Variants in ZC3H3 observed in about 807,000 individuals in gnomAD.
ZC3H3 encodes zinc finger CCCH-type containing 3.
Under a neutral mutation model 77.3 loss-of-function variants are expected in ZC3H3, and 36 were observed. The ratio of observed to expected loss-of-function variants is 0.47; its 90% CI spans 0.36 to 0.61. The LOEUF (loss-of-function observed/expected upper bound fraction) is 0.61. ZC3H3 is among the 20% of genes least tolerant of loss of function. The probability of loss-of-function intolerance (pLI) is 0.00; values close to 1 mark genes in which losing one functional copy is unlikely to be tolerated. For missense variants in ZC3H3, 1,331 were observed against 1,312.2 expected, an observed-to-expected ratio of 1.01 and a Z score of -0.22; for synonymous variants, 626 against 555.2, an observed-to-expected ratio of 1.13 and a Z score of -1.79.
intron 9 of ZC3H3, among the ~76,000 whole-genome samples, chr8:143,453,746 T>C (rs1820045298): frequency 2.0e-5 from 3 of 152,246 alleles, no homozygotes; most frequent in Admixed American, 1.3e-4. Flanking sequence ...TTTAAAATTA[T>C]GTTTGATGAC....
chr8:143,465,443 G>A (rs1820382394), intron 9 of ZC3H3, among the ~76,000 whole-genome samples: 1 of 152,186 alleles, frequency 6.6e-6, no homozygotes, highest in African/African-American at 2.4e-5. Context: ...CTACCATGGG[G>A]GGCCAGCTCC....
At chr8:143,516,954 C>A (rs972612071) in intron 3 of ZC3H3, among the ~76,000 whole-genome samples, 8 of 152,216 alleles carry the variant, frequency 5.3e-5, no homozygotes, top group African/African-American at 1.9e-4. Flanking sequence ...CCGCTGTCAG[C>A]CGCCCTGTCC....
At chr8:143,442,638 G>C (rs1240898768) in intron 9 of ZC3H3, among the ~76,000 whole-genome samples, 1 of 152,242 alleles carries the variant, frequency 6.6e-6, no homozygotes, top group African/African-American at 2.4e-5. Flanking sequence ...GGGCAACACT[G>C]GATGCAGAGT....
At chr8:143,473,866 C>T (rs75394007) in intron 5 of ZC3H3, among the ~76,000 whole-genome samples, 13,868 of 152,210 alleles carry the variant, frequency 0.091, 817 homozygotes, top group Admixed American at 0.17. Context: ...CAGAGACTGG[C>T]CAGGGGCTTA....
chr8:143,500,805 CGTCACAAT>C (rs771131846), intron 4 of ZC3H3, among the ~76,000 whole-genome samples: 51 of 138,990 alleles, frequency 3.7e-4, no homozygotes, highest in Non-Finnish European at 6.2e-4. Context: ...CACACCGTCA[CGTCACAAT>C]GTCTATTTTT....
In ZC3H3 at chr8:143,494,502, G is replaced by A. The variant is rs1821291220; in HGVS notation, c.1715+13244C>T. On this transcript the variant is annotated intron_variant, in intron 4 of 11. Coordinates refer to ENST00000262577, the MANE Select transcript of ZC3H3 (RefSeq NM_015117.3). This position sits in a 1 kb window ranked among gnomAD's most constrained non-coding sequence, Gnocchi z 5.3. The stretch of plus-strand genomic sequence containing the variant: ...AGTGCAGGAGCCTGTGGCCACCCCT[G>A]CCAACAGGCCCACACAAGGCCCGGG... 6.6e-6 allele frequency among the ~76,000 whole-genome samples: 1 copy of A among 152,174 alleles called. No homozygotes were observed. The highest frequency in any genetic ancestry group is 2.4e-5 in the African/African-American group (1 of 41,436).
intron 9 of ZC3H3, among the ~76,000 whole-genome samples, chr8:143,455,790 T>C (rs1820101755): frequency 6.6e-6 from 1 of 151,494 alleles, no homozygotes; most frequent in Non-Finnish European, 1.5e-5. Flanking sequence ...CTGGCCAACA[T>C]GGTGAAACCC....
chr8:143,476,399 G>A (rs893175072), intron 4 of ZC3H3, among the ~76,000 whole-genome samples: 15 of 152,144 alleles, frequency 9.9e-5, no homozygotes, highest in African/African-American at 2.9e-4. Flanking sequence ...GACCTAGGCC[G>A]ACAGACCCTG....
At chr8:143,458,330 T>C (rs943937757) in intron 9 of ZC3H3, among the ~76,000 whole-genome samples, 5 of 152,342 alleles carry the variant, frequency 3.3e-5, no homozygotes, top group Admixed American at 6.5e-5. Flanking sequence ...GAGTCAGTAA[T>C]CAAAAATCTC....
At chr8:143,483,352 T>C (rs113612009) in intron 4 of ZC3H3, among the ~76,000 whole-genome samples, 1,949 of 152,318 alleles carry the variant, frequency 0.013, 32 homozygotes, top group African/African-American at 0.044. Flanking sequence ...CTCCTGGTGC[T>C]GAGCCACTGC....
intron 9 of ZC3H3, among the ~76,000 whole-genome samples, chr8:143,441,754 C>T (rs967381707): frequency 2.6e-5 from 4 of 152,174 alleles, no homozygotes; most frequent in Admixed American, 2.6e-4. Context: ...AGCGGCCCAG[C>T]CTGGCCTGTG....
intron 3 of ZC3H3, among the ~76,000 whole-genome samples, chr8:143,534,414 G>A (rs1376922009): frequency 6.6e-6 from 1 of 151,924 alleles, no homozygotes; most frequent in African/African-American, 2.4e-5. Flanking sequence ...ACTCTTCCTG[G>A]CAGGAGTCCG....
Position 143,446,035 on chromosome 8 carries a change from A to C in ZC3H3, c.2308-4915T>G, listed in dbSNP as rs140226278. 2.0e-5 allele frequency among the ~76,000 whole-genome samples: 3 copies of C among 152,344 alleles called. No individual in the cohort carries two copies. In the East Asian group the frequency reaches 5.8e-4, roughly 29 times the overall value. On this transcript the variant is annotated intron_variant, in intron 9 of 11. Transcript: ENST00000262577. ...ACCAATGAACAAACAGAGAGCCAGA[A>C]GCAGAGCCCGCATCCACGCAGACCT...
chr8:143,531,146 G>T (rs1822593132), intron 3 of ZC3H3, among the ~76,000 whole-genome samples: 1 of 152,002 alleles, frequency 6.6e-6, no homozygotes, highest in South Asian at 2.1e-4. Flanking sequence ...TTTTTGTAGA[G>T]ATGGGGTTTT....
chr8:143,465,957 G>C (rs964923568), intron 8 of ZC3H3, 109 bp from the exon 9 acceptor site: 1 of 1,412,324 alleles, frequency 7.1e-7, no homozygotes, highest in Admixed American at 2.3e-5. Context: ...ATGGACACGC[G>C]GCACCAGCAG....
At position 143,538,245 on chromosome 8, in the gene ZC3H3, G is replaced by C. The variant is rs775238294; in HGVS notation, c.1122C>G (p.Pro374=). The stretch of plus-strand genomic sequence containing the variant: ...TGGAGGCCTTCCACTTGTACTTGCT[G>C]GGGGCAGACCCTGGCTTGGAGGACG... ...PATSSKPGSA[P]SKYKWKASSP... Residue 374 remains proline (P), a synonymous_variant, in exon 2 of 12, where the codon CCC becomes CCG. Transcript: ENST00000262577. 6.2e-7 allele frequency: 1 copy of C among 1,613,038 alleles called. No individual in the cohort carries two copies. The highest frequency in any genetic ancestry group is 8.5e-7 in the Non-Finnish European group (1 of 1,180,036).
At chr8:143,537,969 C>T (rs1822856255) in intron 2 of ZC3H3, 34 bp downstream of exon 2, 3 of 1,562,224 alleles carry the variant, frequency 1.9e-6, no homozygotes, top group Non-Finnish European at 2.6e-6. Flanking sequence ...CTCACAGCCC[C>T]TCACACTCTA....
rs1820296602 is a variant in ZC3H3, at chr8:143,462,668, C to T, written c.2307+3049G>A. Reference sequence around the variant, plus strand: ...CCCGACAGCTCCCTGCAGACAGGCACCAACCACACACAGGGTGTGGGGAAA... The same window carrying T: ...CCCGACAGCTCCCTGCAGACAGGCATCAACCACACACAGGGTGTGGGGAAA... On this transcript the variant is annotated intron_variant, in intron 9 of 11. Coordinates refer to ENST00000262577, the MANE Select transcript of ZC3H3 (RefSeq NM_015117.3). This position sits in a 1 kb window ranked among gnomAD's most constrained non-coding sequence, Gnocchi z 4.7. 6.6e-6 allele frequency among the ~76,000 whole-genome samples: 1 copy of T among 152,200 alleles called. No individual in the cohort carries two copies. Among genetic ancestry groups the T allele is most frequent in the African/African-American group, 2.4e-5 (1 of 41,440 alleles).
At chr8:143,532,516 C>T (rs1345094340) in intron 3 of ZC3H3, among the ~76,000 whole-genome samples, 1 of 152,260 alleles carries the variant, frequency 6.6e-6, no homozygotes, top group East Asian at 1.9e-4. Context: ...AATGAAGGAG[C>T]AGTCCCACCT....
Sources: allele counts gnomAD v4.1 joint callset (sites outside exome capture counted in the v4.1 genomes callset), GRCh38; gene constraint gnomAD v4.1.1; non-coding constraint Gnocchi (gnomAD v3.1); transcripts MANE v1.5; gene names NCBI Gene and HGNC (gene_info 2026-07-23, HGNC 2026-07-21).